The following TMC1 variants were observed in gnomAD, a reference collection of about 807,000 sequenced individuals.
TMC1 encodes transmembrane channel like 1.
A neutral mutation model predicts 105.8 loss-of-function variants in TMC1; 84 were observed. The observed-to-expected ratio is 0.79, with a 90% CI of 0.67 to 0.95. The LOEUF (loss-of-function observed/expected upper bound fraction) is 0.95. TMC1 is among the 40% of genes least tolerant of loss of function. TMC1 has a pLI of 0.00. For missense variants in TMC1, 817 were observed against 914.1 expected (o/e 0.89, Z 1.37); for synonymous variants, 315 against 311.5 (o/e 1.01, Z -0.12).
rs73472794 is a variant in TMC1 at position 72,633,804 on chromosome 9, C to T, written c.-53+5741C>T. 9.0e-3 allele frequency among the ~76,000 whole-genome samples: 1,372 copies of T among 152,228 alleles called. 21 individuals carry two copies. Among genetic ancestry groups the T allele is most frequent in the African/African-American group, 0.029 (1,221 of 41,534 alleles). On this transcript the variant is annotated intron_variant, in intron 4 of 23. Transcript: ENST00000297784. ...TTTTTCTACATCAGTTTGTCAGACA[C>T]CTACTATGTGTCCTATAATTCAGTT... is the stretch of plus-strand genomic sequence containing the variant.
chr9:72,744,773 C>A (rs1486801439), intron 10 of TMC1, among the ~76,000 whole-genome samples: 1 of 152,152 alleles, frequency 6.6e-6, no homozygotes, highest in Non-Finnish European at 1.5e-5. Flanking sequence ...CAGGTTCCAG[C>A]CTATCCTAAT....
chr9:72,762,578 G>A (rs375387863), intron 12 of TMC1, among the ~76,000 whole-genome samples: 6 of 152,256 alleles, frequency 3.9e-5, no homozygotes, highest in Admixed American at 6.5e-5. Context: ...ATAATTCTTC[G>A]GTGGCATGAC....
intron 13 of TMC1, among the ~76,000 whole-genome samples, chr9:72,784,372 G>A (rs1297113969): frequency 6.6e-6 from 1 of 152,074 alleles, no homozygotes; most frequent in South Asian, 2.1e-4. Flanking sequence ...AAGCCACAAT[G>A]AGATACTATC....
intron 5 of TMC1, among the ~76,000 whole-genome samples, chr9:72,668,663 C>A (rs564595561): frequency 1.3e-5 from 2 of 152,308 alleles, no homozygotes; most frequent in East Asian, 3.9e-4. Flanking sequence ...AGCTCTATTA[C>A]AAGATAGAAC....
At chr9:72,538,721 T>C (rs535269866) in intron 1 of TMC1, among the ~76,000 whole-genome samples, 3 of 152,290 alleles carry the variant, frequency 2.0e-5, no homozygotes, top group Non-Finnish European at 4.4e-5. Flanking sequence ...TTACTGGGAT[T>C]ACAGGCATGA....
At chr9:72,625,442 A>G (rs1363641462) in intron 3 of TMC1, among the ~76,000 whole-genome samples, 1 of 152,086 alleles carries the variant, frequency 6.6e-6, no homozygotes, top group Non-Finnish European at 1.5e-5. Context: ...TAATCCCAGC[A>G]CTTTGGGAGG....
intron 8 of TMC1, among the ~76,000 whole-genome samples, chr9:72,736,746 A>G (rs1480275451): frequency 6.6e-6 from 1 of 152,208 alleles, no homozygotes; most frequent in African/African-American, 2.4e-5. Context: ...TTGATGCCAA[A>G]TAACTGAAGT....
intron 1 of TMC1, among the ~76,000 whole-genome samples, chr9:72,539,099 T>TGGCTG (rs34385947): frequency 6.6e-6 from 1 of 151,488 alleles, no homozygotes; most frequent in Non-Finnish European, 1.5e-5. Context: ...TTTCTTCTGC[T>TGGCTG]GCTGGGCATG....
intron 8 of TMC1, among the ~76,000 whole-genome samples, chr9:72,713,930 C>T (rs1826877847): frequency 6.6e-6 from 1 of 152,058 alleles, no homozygotes; most frequent in Non-Finnish European, 1.5e-5. Context: ...CCTCAACATA[C>T]TGCTTTCAAT....
At chr9:72,784,606 T>C (rs963490843) in intron 13 of TMC1, among the ~76,000 whole-genome samples, 1 of 151,654 alleles carries the variant, frequency 6.6e-6, no homozygotes, top group African/African-American at 2.4e-5. Flanking sequence ...ATCAAAGGAG[T>C]AGAAATCATT....
At chr9:72,710,043 G>T (rs1298178127) in intron 8 of TMC1, among the ~76,000 whole-genome samples, 1 of 152,014 alleles carries the variant, frequency 6.6e-6, no homozygotes, top group Non-Finnish European at 1.5e-5. Flanking sequence ...GTTTTGATAG[G>T]TTGTGTCACT....
intron 14 of TMC1, 124 bp from the exon 15 acceptor site, chr9:72,788,999 T>C (rs1445637912): frequency 1.0e-6 from 1 of 957,184 alleles, no homozygotes; most frequent in African/African-American, 1.6e-5. Flanking sequence ...AGATTTAGTT[T>C]ACATTGTCAT....
intron 12 of TMC1, among the ~76,000 whole-genome samples, chr9:72,762,706 A>C (rs961951720): frequency 6.6e-6 from 1 of 151,962 alleles, no homozygotes; most frequent in African/African-American, 2.4e-5. Flanking sequence ...GGGGGTGAGG[A>C]CCCTCTCATC....
chr9:72,522,919 G>A (rs1405571411), intron 1 of TMC1, among the ~76,000 whole-genome samples: 1 of 152,154 alleles, frequency 6.6e-6, no homozygotes, highest in African/African-American at 2.4e-5. Context: ...GTGCACTGTA[G>A]GATGTTTAGC....
At chr9:72,831,219 C>A (rs1030557392) in intron 23 of TMC1, among the ~76,000 whole-genome samples, 5 of 152,166 alleles carry the variant, frequency 3.3e-5, no homozygotes, top group Admixed American at 1.3e-4. Flanking sequence ...GCTTTGAGTT[C>A]CCCACGGAAA....
At chr9:72,536,526 G>T (rs927067980) in intron 1 of TMC1, among the ~76,000 whole-genome samples, 1 of 152,126 alleles carries the variant, frequency 6.6e-6, no homozygotes, top group African/African-American at 2.4e-5. Context: ...TAGAGACGGG[G>T]TTTCACTGTG....
chr9:72,566,761 G>A (rs4075966), intron 1 of TMC1, among the ~76,000 whole-genome samples: 80,474 of 151,932 alleles, frequency 0.53, 22,391 homozygotes, highest in African/African-American at 0.71. Context: ...ATGCCCTCCA[G>A]ATTGATTCTA....
Position 72,602,203 on chromosome 9 carries a change from T to G in TMC1, c.-305-14165T>G, listed in dbSNP as rs7022076. 4.0e-3 allele frequency among the ~76,000 whole-genome samples: 607 copies of G among 152,138 alleles called. 4 individuals carry two copies. The highest frequency in any genetic ancestry group is 0.014 in the African/African-American group (590 of 41,486). The stretch of plus-strand genomic sequence containing the variant: ...GTAGCTCGTTTAATCCTCATGGCAA[T>G]GCTAGGACACAGGTGGTTTTAGTAT... On this transcript the variant is annotated intron_variant, in intron 2 of 23. Transcript: ENST00000297784.
intron 8 of TMC1, among the ~76,000 whole-genome samples, chr9:72,705,408 AAC>A (rs1241030339): frequency 6.6e-6 from 1 of 152,186 alleles, no homozygotes; most frequent in Non-Finnish European, 1.5e-5. Flanking sequence ...TCATTTATAA[AAC>A]AGATAAATTG....
Sources: allele counts gnomAD v4.1 joint callset (sites outside exome capture counted in the v4.1 genomes callset), GRCh38; gene constraint gnomAD v4.1.1; transcripts MANE v1.5; gene names NCBI Gene and HGNC (gene_info 2026-07-23, HGNC 2026-07-21).